Variants in DAB1 observed in about 807,000 individuals in gnomAD.
The protein encoded by DAB1 is disabled homolog 1.
DAB1 carries 15 observed loss-of-function variants against 64.6 expected under a neutral mutation model. The observed-to-expected ratio is 0.23, with a 90% CI of 0.16 to 0.36. DAB1 has a LOEUF of 0.36. Among genes scored for constraint, DAB1 ranks in the 10% least tolerant of loss-of-function variants. DAB1 has a pLI of 1.00. For synonymous variants in DAB1, 235 were observed against 251.9 expected, an observed-to-expected ratio of 0.93 and a Z score of 0.64; for missense variants, 596 against 706.7, an observed-to-expected ratio of 0.84 and a Z score of 1.78.
intron 1 of DAB1, among the ~76,000 whole-genome samples, chr1:57,304,802 A>T (rs145622800): frequency 7.9e-5 from 12 of 152,330 alleles, no homozygotes; most frequent in African/African-American, 2.9e-4. Context: ...CATACTTCTC[A>T]AAATGAGTTA....
chr1:57,732,852 T>C (rs2101776789), intron 6 of DAB1, among the ~76,000 whole-genome samples: 1 of 152,316 alleles, frequency 6.6e-6, no homozygotes, highest in South Asian at 2.1e-4. Flanking sequence ...AGCCAGCCAC[T>C]TCATGTACCT....
intron 1 of DAB1, among the ~76,000 whole-genome samples, chr1:57,361,871 A>C: frequency 6.6e-6 from 1 of 152,210 alleles, no homozygotes; most frequent in East Asian, 1.9e-4. Flanking sequence ...AATAGCTCAT[A>C]GTCTAAGAGG....
chr1:57,047,007 T>A (rs1648580580), intron 9 of DAB1, among the ~76,000 whole-genome samples: 1 of 152,228 alleles, frequency 6.6e-6, no homozygotes, highest in African/African-American at 2.4e-5. Flanking sequence ...TTATGCCTAT[T>A]GCCCTGACAT....
At chr1:58,421,546 C>T (rs193092478) in intron 3 of DAB1, among the ~76,000 whole-genome samples, 59 of 152,204 alleles carry the variant, frequency 3.9e-4, no homozygotes, top group African/African-American at 6.3e-4. Flanking sequence ...AAAGACATTT[C>T]GGGGAAGGTA....
intron 2 of DAB1, among the ~76,000 whole-genome samples, chr1:57,203,604 C>T (rs1407912235): frequency 2.6e-5 from 4 of 152,172 alleles, no homozygotes; most frequent in African/African-American, 4.8e-5. Context: ...GACAAATTGG[C>T]CAGTGGGGGT....
chr1:57,003,869 G>A (rs1334553373), intron 14 of DAB1, among the ~76,000 whole-genome samples: 2 of 152,126 alleles, frequency 1.3e-5, no homozygotes, highest in Non-Finnish European at 2.9e-5. Context: ...CAGCTATAGA[G>A]CATTTCTTCA....
chr1:57,323,913 G>A (rs192995559), intron 1 of DAB1, among the ~76,000 whole-genome samples: 6 of 152,058 alleles, frequency 3.9e-5, no homozygotes, highest in Admixed American at 3.9e-4. Context: ...AGGATGATAG[G>A]TATTAGTATT....
chr1:57,203,576 T>A (rs1297251755), intron 2 of DAB1, among the ~76,000 whole-genome samples: 1 of 152,242 alleles, frequency 6.6e-6, no homozygotes, highest in Non-Finnish European at 1.5e-5. Context: ...GATTAGGCTC[T>A]GAGCTAAACT....
At chr1:58,483,901 G>A (rs1310632987) in intron 3 of DAB1, among the ~76,000 whole-genome samples, 2 of 152,174 alleles carry the variant, frequency 1.3e-5, no homozygotes, top group Non-Finnish European at 2.9e-5. Context: ...TATCAGTGTA[G>A]TGCCTATGTT....
At chr1:57,193,637 C>T (rs970375145) in intron 2 of DAB1, among the ~76,000 whole-genome samples, 17 of 152,098 alleles carry the variant, frequency 1.1e-4, no homozygotes, top group African/African-American at 3.4e-4. Context: ...CCGCCTGCGT[C>T]GGCTTCCAAA....
At chr1:58,179,712 T>G (rs1656673344) in intron 4 of DAB1, among the ~76,000 whole-genome samples, 1 of 152,092 alleles carries the variant, frequency 6.6e-6, no homozygotes, top group Non-Finnish European at 1.5e-5. Context: ...ATTTGCCTTT[T>G]GTCTCTTCTA....
At chr1:58,134,982 A>G (rs999150265) in intron 5 of DAB1, among the ~76,000 whole-genome samples, 1 of 152,222 alleles carries the variant, frequency 6.6e-6, no homozygotes, top group Non-Finnish European at 1.5e-5. Context: ...AGCTGGCTTC[A>G]TGTGGAGATG....
chr1:57,075,502 T>G (rs1651905925), intron 4 of DAB1, among the ~76,000 whole-genome samples: 1 of 152,234 alleles, frequency 6.6e-6, no homozygotes, highest in South Asian at 2.1e-4. Context: ...CTTCCCTCTC[T>G]GCAACCTTAA....
At chr1:58,003,633 CG>C (rs1467578339) in intron 5 of DAB1, among the ~76,000 whole-genome samples, 1 of 152,106 alleles carries the variant, frequency 6.6e-6, no homozygotes, top group East Asian at 1.9e-4. Context: ...TCCTGCACTC[CG>C]GGGTCCACAT....
intron 2 of DAB1, among the ~76,000 whole-genome samples, chr1:57,210,041 C>T (rs1252016488): frequency 2.0e-5 from 3 of 152,160 alleles, no homozygotes; most frequent in East Asian, 3.9e-4. Context: ...GCCTCAGTTT[C>T]CTCATTAATA....
At chr1:58,455,136 C>T (rs1384329748) in intron 3 of DAB1, among the ~76,000 whole-genome samples, 1 of 152,226 alleles carries the variant, frequency 6.6e-6, no homozygotes, top group Non-Finnish European at 1.5e-5. Flanking sequence ...GGGAGAGGAT[C>T]CCAGGAAACA....
At chr1:57,055,329 A>G (rs976858350) in intron 9 of DAB1, among the ~76,000 whole-genome samples, 22 of 152,234 alleles carry the variant, frequency 1.4e-4, no homozygotes, top group Non-Finnish European at 2.6e-4. Context: ...TCTGCTAGAA[A>G]GACAGAGACA....
At chr1:57,053,736 G>A (rs1329129836) in intron 9 of DAB1, among the ~76,000 whole-genome samples, 1 of 138,872 alleles carries the variant, frequency 7.2e-6, no homozygotes, top group Non-Finnish European at 1.5e-5. Context: ...CGCCCAGGCT[G>A]GAGTGCAGTG....
intron 5 of DAB1, among the ~76,000 whole-genome samples, chr1:57,890,303 T>A (rs745636897): frequency 6.6e-6 from 1 of 152,114 alleles, no homozygotes; most frequent in Non-Finnish European, 1.5e-5. Context: ...GGAACGTGCA[T>A]GTGGATAAAT....
Sources: gnomAD v4.1 joint callset for allele counts (sites outside exome capture counted in the v4.1 genomes callset) on GRCh38, gnomAD v4.1.1 for gene constraint, MANE v1.5 for transcripts, NCBI Gene and HGNC (gene_info 2026-07-23, HGNC 2026-07-21) for gene names.